The following ZSCAN18 variants were observed in gnomAD, a reference collection of about 807,000 sequenced individuals.
ZSCAN18 encodes zinc finger and SCAN domain containing 18.
Under a neutral mutation model 31.1 loss-of-function variants are expected in ZSCAN18, and 16 were observed. That is an observed-to-expected ratio of 0.51 (90% CI 0.35 to 0.78). ZSCAN18 has a LOEUF of 0.78. Ranked by LOEUF, ZSCAN18 falls within the 30% of genes least tolerant of loss-of-function variation. The pLI is 0.01. For synonymous variants in ZSCAN18, 375 were observed against 320.7 expected, an observed-to-expected ratio of 1.17 and a Z score of -1.81; for missense variants, 731 against 697.4, an observed-to-expected ratio of 1.05 and a Z score of -0.54.
In ZSCAN18 at chr19:58,094,227, C is replaced by T. The variant is rs192867963; in HGVS notation, c.-119-3841G>A. Among the ~76,000 whole-genome samples the T allele has an allele frequency of 3.3e-3, 482 of 148,240 alleles. 4 individuals are homozygous for T. The highest frequency in any genetic ancestry group is 0.012 in the African/African-American group (465 of 39,684). Reference sequence around the variant, plus strand: ...CCTGGCTAACACCGTGAAACCCCATCTCTACTAAAAATACAAAAAAAAAAA... The same window carrying T: ...CCTGGCTAACACCGTGAAACCCCATTTCTACTAAAAATACAAAAAAAAAAA... On this transcript the variant is annotated intron_variant, in intron 1 of 6. Transcript: ENST00000601144.
intron 1 of ZSCAN18, among the ~76,000 whole-genome samples, chr19:58,116,053 C>A (rs1393413337): frequency 6.6e-6 from 1 of 151,016 alleles, no homozygotes; most frequent in African/African-American, 2.5e-5. Context: ...AAAGCTTCAC[C>A]TAGTACAAGG....
chr19:58,106,172 C>T (rs1600007164), intron 1 of ZSCAN18, among the ~76,000 whole-genome samples: 1 of 151,998 alleles, frequency 6.6e-6, no homozygotes, highest in East Asian at 1.9e-4. Context: ...CAGGATGAGG[C>T]AAGAGGATCA....
At chr19:58,104,462 G>A (rs1017407490) in intron 1 of ZSCAN18, among the ~76,000 whole-genome samples, 3 of 152,012 alleles carry the variant, frequency 2.0e-5, no homozygotes, top group African/African-American at 7.3e-5. Context: ...ACTTTGGGAG[G>A]CAGAGATGGG....
In ZSCAN18 at chr19:58,085,105, C is replaced by A. The variant is rs368983584; in HGVS notation, c.1113G>T (p.Arg371Ser). 1 of 1,606,760 alleles carries A rather than the reference C, an allele frequency of 6.2e-7. No homozygotes were observed. The stretch of plus-strand genomic sequence containing the variant: ...GCCCGTCCCCATCCTCGGGGTGCGG[C>A]CTCTTGGTTCCCAGTTTCGCCGTGC... ...DRGTAKLGTK[R>S]PHPEDGDGQS... Residue 371 changes from arginine (R) to serine (S), a missense_variant, in exon 7 of 7, where the codon AGG (arginine) becomes AGT (serine). Arg to Ser is a moderately radical substitution (Grantham distance 110). Coordinates refer to ENST00000601144, the MANE Select transcript of ZSCAN18 (RefSeq NM_001145543.2).
intron 1 of ZSCAN18, among the ~76,000 whole-genome samples, chr19:58,097,178 C>A (rs1278981971): frequency 6.6e-6 from 1 of 151,556 alleles, no homozygotes; most frequent in Admixed American, 6.6e-5. Context: ...AGGACACAGG[C>A]GAATATATGG....
chr19:58,112,322 A>T (rs1035996426), intron 1 of ZSCAN18, among the ~76,000 whole-genome samples: 1 of 152,116 alleles, frequency 6.6e-6, no homozygotes, highest in Non-Finnish European at 1.5e-5. Flanking sequence ...GGTGTGAGCC[A>T]TTGCGTCTAG....
In ZSCAN18 at chr19:58,088,709, T is replaced by C. The variant is rs2074336826; in HGVS notation, c.532A>G (p.Ile178Val). 6.2e-7 allele frequency: 1 copy of C among 1,610,662 alleles called. No individual in the cohort carries two copies. The highest frequency in any genetic ancestry group is 1.1e-5 in the South Asian group (1 of 91,072). The change falls in exon 3 of 7, where the codon ATC becomes GTC. Residue 178 changes from isoleucine (I) to valine (V), a missense_variant. This residue lies in a region of ZSCAN18 where 597 missense variants were observed against 499.5 expected (regional missense o/e 1.20). Coordinates refer to ENST00000601144, the MANE Select transcript of ZSCAN18 (RefSeq NM_001145543.2). ...TCACGTGTCTCAGAAGGTGCCGGGA[T>C]CTCCCCAGCTCCAAGGGCCTGGCTG... ...SPSQALGAGE[I>V]PAPSETPWLS...
At chr19:58,094,602 G>A (rs547344834) in intron 1 of ZSCAN18, among the ~76,000 whole-genome samples, 43 of 152,094 alleles carry the variant, frequency 2.8e-4, no homozygotes, top group Middle Eastern at 3.4e-3. Context: ...AGGTGGCCAG[G>A]TGTGGTGGCT....
chr19:58,112,565 G>A (rs2074692470), intron 1 of ZSCAN18, among the ~76,000 whole-genome samples: 1 of 151,768 alleles, frequency 6.6e-6, no homozygotes, highest in African/African-American at 2.4e-5. Context: ...GCAGGAGAAT[G>A]GCGTGAACCC....
chr19:58,086,326 TTG>T (rs2074279830), intron 5 of ZSCAN18, 60 bp from the exon 6 acceptor site: 8 of 1,518,874 alleles, frequency 5.3e-6, no homozygotes, highest in Middle Eastern at 1.7e-4. Context: ...CTGATGGGTG[TTG>T]TGTGTCGTGG....
At chr19:58,089,579 T>C (rs2074367999) in intron 2 of ZSCAN18, among the ~76,000 whole-genome samples, 1 of 152,212 alleles carries the variant, frequency 6.6e-6, no homozygotes, top group African/African-American at 2.4e-5. Context: ...TGAGCTGAGA[T>C]TGCGCCACTG....
intron 1 of ZSCAN18, among the ~76,000 whole-genome samples, chr19:58,105,640 A>G (rs1339453629): frequency 6.6e-6 from 1 of 152,096 alleles, no homozygotes; most frequent in African/African-American, 2.4e-5. Flanking sequence ...CAGCCTGGGC[A>G]ACAGAGTGAG....
At chr19:58,103,394 C>G (rs187345274) in intron 1 of ZSCAN18, among the ~76,000 whole-genome samples, 1 of 152,288 alleles carries the variant, frequency 6.6e-6, no homozygotes, top group Non-Finnish European at 1.5e-5. Flanking sequence ...CACCATTTAT[C>G]AAACAGCATA....
chr19:58,107,758 T>C (rs2074646719), intron 1 of ZSCAN18: 4 of 991,072 alleles, frequency 4.0e-6, no homozygotes, highest in African/African-American at 1.7e-5. Context: ...TGAATCCCCA[T>C]AGGTCTCAGT....
intron 1 of ZSCAN18, chr19:58,108,654 C>G: frequency 1.0e-6 from 1 of 985,526 alleles, no homozygotes; most frequent in Non-Finnish European, 1.2e-6. Context: ...GTCTAACGGA[C>G]AGTCCACATT....
At chr19:58,088,230 G>T in intron 3 of ZSCAN18, 1 of 161,190 alleles carries the variant, frequency 6.2e-6, no homozygotes, top group Non-Finnish European at 1.4e-5. Flanking sequence ...AGCACGCGAT[G>T]CTGGGCAACT....
At chr19:58,098,998 C>T (rs952851615), upstream of ZSCAN18, among the ~76,000 whole-genome samples, 3 of 152,070 alleles carry the variant, frequency 2.0e-5, no homozygotes, top group Non-Finnish European at 4.4e-5. Flanking sequence ...ATAAATGTAG[C>T]CCCCCTGGAA....
chr19:58,094,366 GC>G (rs1282404572), intron 1 of ZSCAN18, among the ~76,000 whole-genome samples: 1 of 150,910 alleles, frequency 6.6e-6, no homozygotes, highest in African/African-American at 2.4e-5. Flanking sequence ...AGCCGAGATC[GC>G]GCCACTGCAC....
chr19:58,089,302 C>A (rs1459185165), intron 2 of ZSCAN18, among the ~76,000 whole-genome samples: 7 of 45,290 alleles, frequency 1.5e-4, no homozygotes, highest in East Asian at 1.1e-3. Context: ...GACTCCGTCT[C>A]AAAAAAAAAA....
Sources: gnomAD v4.1 joint callset for allele counts (sites outside exome capture counted in the v4.1 genomes callset) on GRCh38, gnomAD v4.1.1 for gene constraint, gnomAD v4.1.1 regional missense constraint, MANE v1.5 for transcripts, NCBI Gene and HGNC (gene_info 2026-07-23, HGNC 2026-07-21) for gene names.